The following SLC43A2 variants were observed in gnomAD, a reference collection of about 807,000 sequenced individuals.
SLC43A2 encodes the protein solute carrier family 43 member 2.
In SLC43A2, 38 loss-of-function variants were observed where a neutral mutation model predicts 63.2. The observed-to-expected ratio is 0.60, with a 90% CI of 0.46 to 0.79. The LOEUF is 0.79. Among genes scored for constraint, SLC43A2 ranks in the 30% least tolerant of loss-of-function variants. The pLI is 0.00. For synonymous variants in SLC43A2, 322 were observed against 331.0 expected, an observed-to-expected ratio of 0.97 and a Z score of 0.30; for missense variants, 644 against 756.2, an observed-to-expected ratio of 0.85 and a Z score of 1.74.
upstream of SLC43A2, chr17:1,628,992 G>A (rs776527691): frequency 1.3e-5 from 2 of 151,444 alleles, no homozygotes; most frequent in African/African-American, 4.9e-5. Flanking sequence ...GCCGGACTCG[G>A]AGACAAACAA....
In SLC43A2 at chr17:1,577,432, A is replaced by G. The variant is rs368773033; in HGVS notation, c.1425-712T>C. On this transcript the variant is annotated intron_variant, in intron 12 of 13. Transcript: ENST00000301335. This position sits in a 1 kb window ranked among gnomAD's most constrained non-coding sequence, Gnocchi z 4.9. ...CACAGATCCCGCCCCCCTCCCTCAG[A>G]CCCTGCCAGGACAGCCACAGCTTCC... 8.6e-3 allele frequency among the ~76,000 whole-genome samples: 1,303 copies of G among 152,160 alleles called. 14 individuals are homozygous for G. The highest frequency in any genetic ancestry group is 0.029 in the African/African-American group (1,209 of 41,510).
At chr17:1,615,648 C>T (rs1907544587) in intron 3 of SLC43A2, among the ~76,000 whole-genome samples, 1 of 150,016 alleles carries the variant, frequency 6.7e-6, no homozygotes. Flanking sequence ...TCGAGACCAT[C>T]CTGGCTAACA....
intron 2 of SLC43A2, among the ~76,000 whole-genome samples, chr17:1,622,368 C>T (rs971153646): frequency 6.7e-5 from 10 of 150,366 alleles, no homozygotes; most frequent in East Asian, 2.0e-4. Context: ...TCAAGACCAT[C>T]GTGGCTAACA....
rs373219179 is a variant in SLC43A2 at position 1,578,341 on chromosome 17, G to A, written c.1351-18C>T. ...GAGAGGATCTGGGGGAGGAAAAGGC[G>A]ACTGTGGGCATAAGGCCTTAAGGGA... On this transcript the variant is annotated intron_variant, in intron 11 of 13. Transcript: ENST00000301335. This position sits in a 1 kb window ranked among gnomAD's most constrained non-coding sequence, Gnocchi z 6.5. 26 of 1,613,112 alleles carry A rather than the reference G, an allele frequency of 1.6e-5. No individual in the cohort carries two copies. The highest frequency in any genetic ancestry group is 5.0e-5 in the Admixed American group (3 of 59,984).
intron 9 of SLC43A2, chr17:1,586,928 T>TGGGCCCCCCCCCCCCCCCCCCCCCCCCC: frequency 2.4e-6 from 3 of 1,232,916 alleles, no homozygotes; most frequent in South Asian, 1.3e-5. Flanking sequence ...TCCCTGACAA[T>TGGGCCCCCCCCCCCCCCCCCCCCCCCCC]CCCCCCCACC....
At chr17:1,602,700 G>A (rs1906169007) in intron 5 of SLC43A2, among the ~76,000 whole-genome samples, 1 of 150,762 alleles carries the variant, frequency 6.6e-6, no homozygotes, top group Non-Finnish European at 1.5e-5. Context: ...TATATACTAT[G>A]AATAAATTTT....
chr17:1,586,921 C>T lies in SLC43A2; in HGVS notation c.1079-870G>A, dbSNP rs2076110609. ...CTGGGAGGGGACATCACAGCATTCC[C>T]TGACAATCCCCCCCACCCCCCGCTT... On this transcript the variant is annotated intron_variant, in intron 9 of 13. Coordinates refer to ENST00000301335, the MANE Select transcript of SLC43A2 (RefSeq NM_152346.3). 2.0e-6 allele frequency: 3 copies of T among 1,529,576 alleles called. No homozygotes were observed. In the Admixed American group the frequency reaches 5.9e-5, roughly 30 times the overall value. The allele number at this position is 1,529,576 out of a possible 1,614,324, so 94.8% of individuals were successfully genotyped here.
chr17:1,591,491 T>A lies in SLC43A2; in HGVS notation c.729-20A>T. 1 of 1,611,934 alleles carries A rather than the reference T, an allele frequency of 6.2e-7. No homozygotes were observed. Among genetic ancestry groups the A allele is most frequent in the Non-Finnish European group, 8.5e-7 (1 of 1,179,646 alleles). ...TTCACCCTGGGGCCCCGGGAGAGTG[T>A]CTGTGGGTGCTGCCCGGGACCCCGG... is the stretch of plus-strand genomic sequence containing the variant. On this transcript the variant is annotated intron_variant, in intron 7 of 13. Coordinates refer to ENST00000301335, the MANE Select transcript of SLC43A2 (RefSeq NM_152346.3).
At chr17:1,580,413 G>A (rs188265818) in intron 11 of SLC43A2, among the ~76,000 whole-genome samples, 22 of 152,326 alleles carry the variant, frequency 1.4e-4, no homozygotes, top group Admixed American at 3.9e-4. Flanking sequence ...TGCTGACCAC[G>A]GCCTCGAGCT....
At position 1,605,631 on chromosome 17, in the gene SLC43A2, G is replaced by C. The variant is rs1024033649; in HGVS notation, c.501+7564C>G. Among the ~76,000 whole-genome samples, 1 of 151,160 alleles carries C rather than the reference G, an allele frequency of 6.6e-6. No individual in the cohort carries two copies. Among genetic ancestry groups the C allele is most frequent in the African/African-American group, 2.4e-5 (1 of 41,074 alleles). On this transcript the variant is annotated intron_variant, in intron 5 of 13. Coordinates refer to ENST00000301335, the MANE Select transcript of SLC43A2 (RefSeq NM_152346.3). The surrounding 1 kb of genome is among the most constrained non-coding windows in gnomAD (Gnocchi z 4.9). Reference sequence around the variant, plus strand: ...CTGGGGAGCTGGGTGGTGGGTGGGGGCTGGCATTCTGGCCCTCGGGTCCCC... The same window carrying C: ...CTGGGGAGCTGGGTGGTGGGTGGGGCCTGGCATTCTGGCCCTCGGGTCCCC...
At chr17:1,576,437 T>A (rs1256191031) in intron 13 of SLC43A2, among the ~76,000 whole-genome samples, 160 bp downstream of exon 13, 2 of 152,244 alleles carry the variant, frequency 1.3e-5, no homozygotes, top group Admixed American at 1.3e-4. Context: ...ACATGTTCCT[T>A]TTCCTGCCTA....
At chr17:1,608,540 C>T (rs963877338) in intron 5 of SLC43A2, among the ~76,000 whole-genome samples, 1 of 152,110 alleles carries the variant, frequency 6.6e-6, no homozygotes, top group Non-Finnish European at 1.5e-5. Flanking sequence ...ATTACAGGAA[C>T]ATGCCACCAT....
intron 2 of SLC43A2, among the ~76,000 whole-genome samples, chr17:1,624,929 C>A (rs1267422138): frequency 6.6e-6 from 1 of 152,208 alleles, no homozygotes; most frequent in African/African-American, 2.4e-5. Context: ...GTAGCCGCAG[C>A]CCCCCAGGCT....
Position 1,616,557 on chromosome 17 carries a change from C to G in SLC43A2, c.368+5G>C. On this transcript the variant is annotated splice_donor_5th_base_variant and intron_variant, in intron 3 of 13. Transcript: ENST00000301335. The stretch of plus-strand genomic sequence containing the variant: ...CTCCCTGCCCCCTAAGGGACCCACA[C>G]TGACCTGCCCAGCAGCCTGAGCTTC... 3 of 1,606,884 alleles carry G rather than the reference C, an allele frequency of 1.9e-6. No individual in the cohort carries two copies. The highest frequency in any genetic ancestry group is 2.5e-6 in the Non-Finnish European group (3 of 1,176,812).
Position 1,602,730 on chromosome 17 carries a change from T to C in SLC43A2, c.502-9451A>G, listed in dbSNP as rs543498346. The stretch of plus-strand genomic sequence containing the variant: ...AATTTTCCTAGTTTGTCATTTAACT[T>C]CTTAATTCATGGTGTTTTGTTTTTT... On this transcript the variant is annotated intron_variant, in intron 5 of 13. Coordinates refer to ENST00000301335, the MANE Select transcript of SLC43A2 (RefSeq NM_152346.3). 1.9e-4 allele frequency among the ~76,000 whole-genome samples: 29 copies of C among 151,934 alleles called. 1 individual carries two copies. The highest frequency in any genetic ancestry group is 6.5e-4 in the African/African-American group (27 of 41,436).
intron 1 of SLC43A2, among the ~76,000 whole-genome samples, chr17:1,628,518 C>A (rs1178135264): frequency 1.3e-5 from 2 of 151,898 alleles, no homozygotes; most frequent in Non-Finnish European, 2.9e-5. Flanking sequence ...CACGCGAACC[C>A]AGCGTGGGAG....
At position 1,591,639 on chromosome 17, in the gene SLC43A2, C is replaced by T. The variant is rs532669079; in HGVS notation, c.655G>A (p.Gly219Arg). The T allele has an allele frequency of 1.4e-5, 22 of 1,545,942 alleles. No homozygotes were observed. The highest frequency in any genetic ancestry group is 2.5e-5 in the East Asian group (1 of 40,698). Residue 219 changes from glycine to arginine, a missense_variant, in exon 7 of 14, where the codon GGG (glycine) becomes AGG (arginine). Physicochemically the swap from Gly to Arg is moderately radical, Grantham distance 125. Transcript: ENST00000301335. Reference sequence around the variant, plus strand: ...AAGAAGCAGTTGAGGAAAACCAGCCCGGAGCAGCCGGCCCAGACCACGAGG... The same window carrying T: ...AAGAAGCAGTTGAGGAAAACCAGCCTGGAGCAGCCGGCCCAGACCACGAGG... The part of the protein sequence containing the change: ...VVLVVWAGCS[G>R]LVFLNCFFNW...
At chr17:1,590,666 C>T (rs559505346) in intron 9 of SLC43A2, 136 bp downstream of exon 9, 23 of 1,142,608 alleles carry the variant, frequency 2.0e-5, no homozygotes, top group Admixed American at 1.4e-4. Flanking sequence ...ATAGCTCTGA[C>T]GGGCAGACAG....
In SLC43A2 at chr17:1,573,773, C is replaced by T. The variant is rs1191933502; in HGVS notation, c.*1831G>A. On this transcript the variant is annotated 3_prime_UTR_variant, in exon 14 of 14. Transcript: ENST00000301335. ...TAGTTGGGATTACAGGCGCACGCCACCACGCCCGATTAATGTTTATTTTTA... is the reference window on the plus strand; with the variant it reads ...TAGTTGGGATTACAGGCGCACGCCATCACGCCCGATTAATGTTTATTTTTA... 1.3e-5 allele frequency: 2 copies of T among 152,200 alleles called. No individual in the cohort carries two copies. The highest frequency in any genetic ancestry group is 6.5e-5 in the Admixed American group (1 of 15,280). 9.4% of individuals were successfully genotyped at this position (152,200 alleles called of 1,614,324 possible). A position where few individuals can be genotyped will look rare whatever the true frequency, so the allele number is the denominator to read the frequency against.
Sources: allele counts gnomAD v4.1 joint callset (sites outside exome capture counted in the v4.1 genomes callset), GRCh38; gene constraint gnomAD v4.1.1; non-coding constraint Gnocchi (gnomAD v3.1); transcripts MANE v1.5; gene names NCBI Gene and HGNC (gene_info 2026-07-23, HGNC 2026-07-21).